Variants in PHAX observed in about 807,000 individuals in gnomAD.
The protein encoded by PHAX is phosphorylated adapter RNA export protein.
Under a neutral mutation model 41.6 loss-of-function variants are expected in PHAX, and 31 were observed. That is an observed-to-expected ratio of 0.75 (90% CI 0.56 to 1.01). PHAX has a LOEUF of 1.01. Among genes scored for constraint, PHAX ranks in the 50% least tolerant of loss-of-function variants. The pLI is 0.00. For synonymous variants in PHAX, 175 were observed against 164.9 expected, an observed-to-expected ratio of 1.06 and a Z score of -0.47; for missense variants, 453 against 472.9, an observed-to-expected ratio of 0.96 and a Z score of 0.39.
At chr5:126,603,444 C>G in intron 1 of PHAX, 126 bp from the exon 2 acceptor site, 2 of 1,048,476 alleles carry the variant, frequency 1.9e-6, no homozygotes, top group East Asian at 4.8e-5. Context: ...CTTGATTGGT[C>G]TCAGATTTGT....
chr5:126,624,717 CTT>C lies in PHAX; in HGVS notation c.1061_1062del (p.Phe354CysfsTer3). The C allele has an allele frequency of 1.2e-6, 2 of 1,614,162 alleles. No homozygotes were observed. The highest frequency in any genetic ancestry group is 1.3e-5 in the African/African-American group (1 of 75,064). On this transcript the variant is annotated frameshift_variant, in exon 5 of 5. Coordinates refer to ENST00000297540, the MANE Select transcript of PHAX (RefSeq NM_032177.4). LOFTEE classifies it high-confidence loss of function. Reference sequence around the variant, plus strand: ...GAAGATGATGATACATCACGAGAAACTTTTGCAAGTGACACGAATGAGGCCTT... The same window carrying C: ...GAAGATGATGATACATCACGAGAAACTTGCAAGTGACACGAATGAGGCCTT...
In PHAX at chr5:126,627,247, CCTT is replaced by C. The variant is rs1348378461; in HGVS notation, c.*2404_*2406del. 2 of 152,010 alleles carry C rather than the reference CCTT, an allele frequency of 1.3e-5. No individual in the cohort carries two copies. Among genetic ancestry groups the C allele is most frequent in the East Asian group, 3.9e-4 (2 of 5,192 alleles). 9.4% of individuals were successfully genotyped at this position (152,010 alleles called of 1,614,324 possible). ...AAAATAAAATTAGATTTTTGGCAGT[CCTT>C]AATGAGCTTCAAGTGATTATATTTT... On this transcript the variant is annotated 3_prime_UTR_variant, in exon 5 of 5. Transcript: ENST00000297540.
chr5:126,612,794 A>G (rs539317882), intron 3 of PHAX, among the ~76,000 whole-genome samples: 5 of 152,328 alleles, frequency 3.3e-5, no homozygotes, highest in South Asian at 2.1e-4. Context: ...AGCCTTTCCA[A>G]TGGGTCTGAC....
intron 3 of PHAX, among the ~76,000 whole-genome samples, chr5:126,614,724 C>T (rs1752158801): frequency 6.6e-6 from 1 of 151,986 alleles, no homozygotes; most frequent in African/African-American, 2.4e-5. Flanking sequence ...ACCCGGACCA[C>T]ACCTATCCTT....
chr5:126,609,550 G>T (rs1312101068), intron 3 of PHAX, among the ~76,000 whole-genome samples: 1 of 152,020 alleles, frequency 6.6e-6, no homozygotes, highest in East Asian at 1.9e-4. Flanking sequence ...ACTTCTTGGA[G>T]CCTCAGTCTC....
intron 4 of PHAX, among the ~76,000 whole-genome samples, chr5:126,624,226 C>G (rs919409216): frequency 1.6e-4 from 24 of 151,984 alleles, no homozygotes; most frequent in Non-Finnish European, 8.8e-5. Context: ...CCAGGCTGGT[C>G]TGCAACTCCT....
intron 1 of PHAX, among the ~76,000 whole-genome samples, chr5:126,601,348 C>T (rs1392000763): frequency 6.6e-6 from 1 of 152,208 alleles, no homozygotes; most frequent in Admixed American, 6.5e-5. Context: ...GCGCGCGAGC[C>T]CTGGCGCCTC....
Position 126,619,176 on chromosome 5 carries a change from C to T in PHAX, c.915+1843C>T, listed in dbSNP as rs569800244. 4.1e-4 allele frequency among the ~76,000 whole-genome samples: 63 copies of T among 152,326 alleles called. 2 individuals carry two copies. The South Asian group carries it at 9.9e-3, about 24-fold the overall frequency. On this transcript the variant is annotated intron_variant, in intron 4 of 4. Transcript: ENST00000297540. ...TCCTGGGCTCAAGCAGTCCTCCCAC[C>T]TTGGCCTCCGAAAGTGCTGGAATTA... is the stretch of plus-strand genomic sequence containing the variant.
At chr5:126,617,095 T>C in intron 3 of PHAX, 155 bp from the exon 4 acceptor site, 2 of 443,576 alleles carry the variant, frequency 4.5e-6, no homozygotes, top group Non-Finnish European at 4.1e-6. Context: ...ATTTCGGTAA[T>C]TTACTCATGT....
chr5:126,625,698 A>G lies in PHAX; in HGVS notation c.*854A>G, dbSNP rs891353648. On this transcript the variant is annotated 3_prime_UTR_variant, in exon 5 of 5. Transcript: ENST00000297540. ...AATGTCGGAAGTTTTCCAAGTAACT[A>G]TTTGTTTTTTGGGGGGTTTTTTAGT... is the stretch of plus-strand genomic sequence containing the variant. The G allele has an allele frequency of 1.3e-5, 2 of 151,030 alleles. No individual in the cohort carries two copies. Among genetic ancestry groups the G allele is most frequent in the South Asian group, 4.2e-4 (2 of 4,734 alleles). 9.4% of individuals were successfully genotyped at this position (151,030 alleles called of 1,614,324 possible). A position where few individuals can be genotyped will look rare whatever the true frequency, so the allele number is the denominator to read the frequency against.
intron 3 of PHAX, among the ~76,000 whole-genome samples, chr5:126,609,755 T>G (rs1752051943): frequency 6.6e-6 from 1 of 151,990 alleles, no homozygotes; most frequent in South Asian, 2.1e-4. Flanking sequence ...TTGTTTGTTT[T>G]TTGAGACGGA....
At chr5:126,612,919 C>T (rs1322358626) in intron 3 of PHAX, among the ~76,000 whole-genome samples, 1 of 152,062 alleles carries the variant, frequency 6.6e-6, no homozygotes, top group Non-Finnish European at 1.5e-5. Context: ...AAGGAAGAGT[C>T]AAAGATGACT....
chr5:126,605,804 A>G (rs1263177333), intron 2 of PHAX, among the ~76,000 whole-genome samples: 2 of 152,242 alleles, frequency 1.3e-5, no homozygotes, highest in Non-Finnish European at 2.9e-5. Context: ...TAAAGCATAT[A>G]TTTTTAAATC....
rs767933132 is a variant in PHAX, at chr5:126,617,288, G to C, written c.870G>C (p.Leu290=). The C allele has an allele frequency of 6.2e-7, 1 of 1,612,278 alleles. No homozygotes were observed. The highest frequency in any genetic ancestry group is 2.2e-5 in the East Asian group (1 of 44,810). Residue 290 remains leucine, a synonymous_variant, in exon 4 of 5, where the codon CTG becomes CTC. Coordinates refer to ENST00000297540, the MANE Select transcript of PHAX (RefSeq NM_032177.4). ...SRRRTPGGVF[L]NLLKNTPSIS... Reference sequence around the variant, plus strand: ...GAAGAACACCAGGTGGAGTTTTTCTGAATCTCTTGAAAAACACTCCTAGTA... The same window carrying C: ...GAAGAACACCAGGTGGAGTTTTTCTCAATCTCTTGAAAAACACTCCTAGTA...
intron 3 of PHAX, among the ~76,000 whole-genome samples, chr5:126,613,839 A>G (rs1399301414): frequency 6.6e-6 from 1 of 151,198 alleles, no homozygotes; most frequent in African/African-American, 2.4e-5. Flanking sequence ...ACAGTGGCAC[A>G]ATCGCAGGTC....
At chr5:126,612,403 G>A (rs1312190620) in intron 3 of PHAX, among the ~76,000 whole-genome samples, 1 of 152,074 alleles carries the variant, frequency 6.6e-6, no homozygotes, top group East Asian at 1.9e-4. Flanking sequence ...GAACAGATAA[G>A]AAATGCATTT....
chr5:126,614,392 G>A (rs996138839), intron 3 of PHAX, among the ~76,000 whole-genome samples: 5 of 151,926 alleles, frequency 3.3e-5, no homozygotes, highest in Admixed American at 6.6e-5. Context: ...CACCCAACCC[G>A]TGAGTCACCG....
chr5:126,613,692 G>C (rs1752140733), intron 3 of PHAX, among the ~76,000 whole-genome samples: 1 of 152,004 alleles, frequency 6.6e-6, no homozygotes, highest in Non-Finnish European at 1.5e-5. Context: ...AAAGTAAAAA[G>C]ATTATATGTG....
intron 3 of PHAX, 117 bp downstream of exon 3, chr5:126,608,601 G>C (rs1309071846): frequency 1.3e-6 from 1 of 786,468 alleles, no homozygotes; most frequent in Non-Finnish European, 2.0e-6. Context: ...CTTACAGTAT[G>C]TTTGAAGTTT....
Sources: gnomAD v4.1 joint callset for allele counts (sites outside exome capture counted in the v4.1 genomes callset) on GRCh38, gnomAD v4.1.1 for gene constraint, MANE v1.5 for transcripts, NCBI Gene and HGNC (gene_info 2026-07-23, HGNC 2026-07-21) for gene names.